ADGRB3: variants seen among roughly 807,000 people sequenced by gnomAD.
ADGRB3 encodes adhesion G protein-coupled receptor B3.
Under a neutral mutation model 193.4 loss-of-function variants are expected in ADGRB3, and 37 were observed. The ratio of observed to expected loss-of-function variants is 0.19; its 90% CI spans 0.15 to 0.25. ADGRB3 has a LOEUF of 0.25. Ranked by LOEUF, ADGRB3 falls within the 10% of genes least tolerant of loss-of-function variation. The probability of loss-of-function intolerance (pLI) is 1.00; values close to 1 mark genes in which losing one functional copy is unlikely to be tolerated. For missense variants in ADGRB3, 1,637 were observed against 1,852.9 expected, an observed-to-expected ratio of 0.88 and a Z score of 2.14; for synonymous variants, 690 against 644.2, an observed-to-expected ratio of 1.07 and a Z score of -1.08.
At chr6:68,739,506 C>A (rs946750718) in intron 3 of ADGRB3, among the ~76,000 whole-genome samples, 2 of 151,950 alleles carry the variant, frequency 1.3e-5, no homozygotes, top group African/African-American at 4.8e-5. Flanking sequence ...CTTCAGATAG[C>A]AGAATGAAGG....
intron 8 of ADGRB3, among the ~76,000 whole-genome samples, chr6:68,962,553 T>G (rs1253080317): frequency 2.0e-5 from 3 of 152,168 alleles, no homozygotes; most frequent in Non-Finnish European, 2.9e-5. Flanking sequence ...TTACCCTACC[T>G]TGTTCAATTT....
At chr6:69,215,110 T>A (rs1422176989) in intron 17 of ADGRB3, among the ~76,000 whole-genome samples, 1 of 152,130 alleles carries the variant, frequency 6.6e-6, no homozygotes, top group Non-Finnish European at 1.5e-5. Flanking sequence ...TGTCCCAGAT[T>A]GGACATTGAG....
intron 3 of ADGRB3, among the ~76,000 whole-genome samples, chr6:68,702,833 G>A (rs1214359061): frequency 6.6e-6 from 1 of 152,086 alleles, no homozygotes; most frequent in African/African-American, 2.4e-5. Context: ...TCAGACCCTG[G>A]CTGATACATT....
chr6:68,681,729 A>G (rs1255187327), intron 3 of ADGRB3, among the ~76,000 whole-genome samples: 3 of 152,200 alleles, frequency 2.0e-5, no homozygotes, highest in Non-Finnish European at 4.4e-5. Flanking sequence ...AACAACAAAA[A>G]TTAGATTATA....
chr6:68,801,940 A>C (rs1220750924), intron 3 of ADGRB3, among the ~76,000 whole-genome samples: 1 of 152,206 alleles, frequency 6.6e-6, no homozygotes, highest in Non-Finnish European at 1.5e-5. Flanking sequence ...TATGAGACTT[A>C]GAGGAGATTG....
rs374408682 is a variant in ADGRB3, at chr6:69,166,984, T to A, written c.2481-66306T>A. ...CAAGTTAACAATTAGGTTATGCAAATCTTAATCTGATGACATTTTGTTCCT... is the reference window on the plus strand; with the variant it reads ...CAAGTTAACAATTAGGTTATGCAAAACTTAATCTGATGACATTTTGTTCCT... On this transcript the variant is annotated intron_variant, in intron 17 of 31. Coordinates refer to ENST00000370598, the MANE Select transcript of ADGRB3 (RefSeq NM_001704.3). Among the ~76,000 whole-genome samples, 26 of 152,240 alleles carry A rather than the reference T, an allele frequency of 1.7e-4. No individual in the cohort carries two copies. The East Asian group carries it at 2.7e-3, about 16-fold the overall frequency.
At chr6:69,112,438 G>A (rs562973137) in intron 17 of ADGRB3, among the ~76,000 whole-genome samples, 12 of 152,274 alleles carry the variant, frequency 7.9e-5, no homozygotes, top group African/African-American at 2.6e-4. Context: ...AGGGAATGTA[G>A]TCTCTGGCTA....
intron 15 of ADGRB3, among the ~76,000 whole-genome samples, chr6:69,051,898 A>G (rs898678416): frequency 3.3e-5 from 5 of 151,842 alleles, no homozygotes; most frequent in African/African-American, 9.7e-5. Context: ...GTAATAATTA[A>G]TTTTCTTTTT....
intron 22 of ADGRB3, 69 bp downstream of exon 22, chr6:69,327,958 T>A: frequency 7.3e-7 from 1 of 1,370,974 alleles, no homozygotes; most frequent in South Asian, 1.4e-5. Context: ...TGGTTGGCAC[T>A]GCTGATGGCT....
chr6:68,748,446 A>C (rs1223174115), intron 3 of ADGRB3, among the ~76,000 whole-genome samples: 2 of 152,188 alleles, frequency 1.3e-5, no homozygotes, highest in East Asian at 3.9e-4. Context: ...AGTTCATGCA[A>C]GTCTGAAATC....
intron 3 of ADGRB3, among the ~76,000 whole-genome samples, chr6:68,921,061 C>A (rs1267144772): frequency 2.6e-5 from 4 of 151,908 alleles, no homozygotes; most frequent in Non-Finnish European, 4.4e-5. Context: ...GTAGCAATGG[C>A]AATTCCTATC....
intron 26 of ADGRB3, among the ~76,000 whole-genome samples, chr6:69,346,563 A>C (rs188978699): frequency 1.3e-5 from 2 of 151,926 alleles, no homozygotes; most frequent in African/African-American, 4.8e-5. Context: ...GACACTTTTC[A>C]AAAGAAGACA....
In ADGRB3 at chr6:68,908,653, C is replaced by T. The variant is rs79287382; in HGVS notation, c.758-21906C>T. Among the ~76,000 whole-genome samples the T allele has an allele frequency of 2.3e-3, 348 of 152,278 alleles. 13 individuals are homozygous for T. In the East Asian group the frequency reaches 0.062, roughly 27 times the overall value. On this transcript the variant is annotated intron_variant, in intron 3 of 31. Coordinates refer to ENST00000370598, the MANE Select transcript of ADGRB3 (RefSeq NM_001704.3). ...TGAATATTTCCATTAAGAAGTTAAA[C>T]TCTCAAAGTGAATTTGAACTCAAAG...
intron 3 of ADGRB3, among the ~76,000 whole-genome samples, chr6:68,910,632 A>T (rs1423087003): frequency 6.6e-6 from 1 of 152,234 alleles, no homozygotes; most frequent in African/African-American, 2.4e-5. Context: ...ATGGCTATCC[A>T]GTTTTCCCAG....
chr6:68,920,383 G>A (rs1229086978), intron 3 of ADGRB3, among the ~76,000 whole-genome samples: 1 of 151,608 alleles, frequency 6.6e-6, no homozygotes, highest in African/African-American at 2.4e-5. Context: ...GCCGGGCGTG[G>A]TGGTGGGCTC....
At position 68,788,931 on chromosome 6, in the gene ADGRB3, A is replaced by T. The variant is rs553461085; in HGVS notation, c.758-141628A>T. Among the ~76,000 whole-genome samples the T allele has an allele frequency of 2.7e-3, 415 of 152,098 alleles. 4 individuals are homozygous for T. The highest frequency in any genetic ancestry group is 3.9e-3 in the Admixed American group (60 of 15,264). On this transcript the variant is annotated intron_variant, in intron 3 of 31. Coordinates refer to ENST00000370598, the MANE Select transcript of ADGRB3 (RefSeq NM_001704.3). ...TAATGGCCTTCTTTGTCTCTTTTGA[A>T]CTTTGTTGGTTTAAAGTCTGTTTTA...
chr6:68,842,211 T>A (rs546970), intron 3 of ADGRB3, among the ~76,000 whole-genome samples: 1 of 151,668 alleles, frequency 6.6e-6, no homozygotes, highest in Non-Finnish European at 1.5e-5. Flanking sequence ...ATGAAGAAAA[T>A]AATACAAAAA....
At chr6:68,879,480 G>A (rs970737362) in intron 3 of ADGRB3, among the ~76,000 whole-genome samples, 3 of 151,728 alleles carry the variant, frequency 2.0e-5, no homozygotes, top group Non-Finnish European at 2.9e-5. Context: ...CGCCCACCTC[G>A]GCCTCCCAAA....
intron 3 of ADGRB3, among the ~76,000 whole-genome samples, chr6:68,879,363 C>T (rs1356293672): frequency 6.6e-6 from 1 of 151,634 alleles, no homozygotes; most frequent in Non-Finnish European, 1.5e-5. Flanking sequence ...ACTGCAGGTG[C>T]CCACCACCAC....
Sources: allele counts gnomAD v4.1 joint callset (sites outside exome capture counted in the v4.1 genomes callset), GRCh38; gene constraint gnomAD v4.1.1; transcripts MANE v1.5; gene names NCBI Gene and HGNC (gene_info 2026-07-23, HGNC 2026-07-21).